The following CERS6 variants were observed in gnomAD, a reference collection of about 807,000 sequenced individuals.
CERS6 encodes the protein LAG1 homolog, ceramide synthase 6.
Under a neutral mutation model 56.8 loss-of-function variants are expected in CERS6, and 26 were observed. The observed-to-expected ratio is 0.46, with a 90% confidence interval of 0.34 to 0.63. CERS6 has a LOEUF of 0.63. Ranked by LOEUF, CERS6 falls within the 30% of genes least tolerant of loss-of-function variation. The probability of loss-of-function intolerance (pLI) is 0.01; values close to 1 mark genes in which losing one functional copy is unlikely to be tolerated. For missense variants in CERS6, 415 were observed against 467.5 expected (o/e 0.89, Z 1.04); for synonymous variants, 164 against 173.3 (o/e 0.95, Z 0.42).
chr2:168,571,095 G>C (rs535455815), intron 3 of CERS6, among the ~76,000 whole-genome samples: 8 of 152,260 alleles, frequency 5.3e-5, no homozygotes, highest in African/African-American at 1.9e-4. Context: ...TTGCCATCAA[G>C]AGAATTACAT....
chr2:168,498,692 C>T (rs1297260500), intron 1 of CERS6, among the ~76,000 whole-genome samples: 23 of 152,174 alleles, frequency 1.5e-4, no homozygotes, highest in African/African-American at 2.4e-5. Flanking sequence ...GTGCATCCTC[C>T]GTAGACTGGC....
chr2:168,563,852 A>G (rs1289375112), intron 3 of CERS6, among the ~76,000 whole-genome samples: 1 of 152,160 alleles, frequency 6.6e-6, no homozygotes, highest in African/African-American at 2.4e-5. Flanking sequence ...ATAGTCAGTA[A>G]AGATTAAAGG....
chr2:168,702,162 TG>T (rs150586656), intron 6 of CERS6, among the ~76,000 whole-genome samples: 1 of 152,278 alleles, frequency 6.6e-6, no homozygotes, highest in Admixed American at 6.5e-5. Context: ...CTATGGATAA[TG>T]GGGGGCCAAC....
Position 168,686,237 on chromosome 2 carries a change from C to G in CERS6, c.466-4797C>G, listed in dbSNP as rs574222574. On this transcript the variant is annotated intron_variant, in intron 4 of 9. Transcript: ENST00000305747. Reference sequence around the variant, plus strand: ...GTCTTCACTTGGTCTTCCCTCTGAGCACGCGCGTGGAGAGGGAGAAATCTC... The same window carrying G: ...GTCTTCACTTGGTCTTCCCTCTGAGGACGCGCGTGGAGAGGGAGAAATCTC... Among the ~76,000 whole-genome samples, 4 of 150,774 alleles carry G rather than the reference C, an allele frequency of 2.7e-5. No homozygotes were observed. The South Asian group carries it at 6.4e-4, about 24-fold the overall frequency.
intron 6 of CERS6, among the ~76,000 whole-genome samples, chr2:168,703,560 AAAAC>A (rs1686856836): frequency 2.0e-5 from 3 of 152,268 alleles, no homozygotes; most frequent in Middle Eastern, 6.8e-3. Flanking sequence ...TCCATCTCAA[AAAAC>A]AAACAAACAA....
intron 1 of CERS6, among the ~76,000 whole-genome samples, chr2:168,530,328 A>G (rs1299858685): frequency 2.6e-5 from 4 of 152,202 alleles, no homozygotes; most frequent in Non-Finnish European, 4.4e-5. Flanking sequence ...CCATGTGCAG[A>G]GAAGATACTG....
intron 1 of CERS6, among the ~76,000 whole-genome samples, chr2:168,537,241 G>A (rs1381090670): frequency 3.3e-5 from 5 of 152,186 alleles, no homozygotes; most frequent in African/African-American, 9.7e-5. Context: ...TGCTCACTGA[G>A]TCATTTTGTA....
At chr2:168,681,037 A>G (rs1230709413) in intron 4 of CERS6, among the ~76,000 whole-genome samples, 1 of 152,234 alleles carries the variant, frequency 6.6e-6, no homozygotes, top group African/African-American at 2.4e-5. Flanking sequence ...TGTCCAGCCC[A>G]GTACCTGATG....
Position 168,617,232 on chromosome 2 carries a change from T to C in CERS6, c.408-13753T>C, listed in dbSNP as rs1020264844. On this transcript the variant is annotated intron_variant, in intron 3 of 9. Transcript: ENST00000305747. The stretch of plus-strand genomic sequence containing the variant: ...CAAAACCTCTGGGATACAGCAAAGG[T>C]GGTGCTAAGAGGAAGGTTCATAGCC... Among the ~76,000 whole-genome samples the C allele has an allele frequency of 1.3e-3, 202 of 152,164 alleles. 4 individuals are homozygous for C. Among genetic ancestry groups the C allele is most frequent in the African/African-American group, 4.8e-3 (198 of 41,522 alleles).
intron 1 of CERS6, among the ~76,000 whole-genome samples, chr2:168,457,248 G>A (rs1693687565): frequency 2.0e-5 from 3 of 152,194 alleles, no homozygotes; most frequent in Admixed American, 2.0e-4. Flanking sequence ...GTTATTAGCG[G>A]TTTCTTTAAA....
intron 5 of CERS6, among the ~76,000 whole-genome samples, chr2:168,691,514 G>A (rs1391950309): frequency 6.6e-6 from 1 of 152,182 alleles, no homozygotes; most frequent in African/African-American, 2.4e-5. Context: ...CCTAGAAGCA[G>A]CCTCCAAATA....
chr2:168,737,472 A>G lies in CERS6; in HGVS notation c.845+19494A>G, dbSNP rs548358689. 1.2e-4 allele frequency among the ~76,000 whole-genome samples: 18 copies of G among 152,274 alleles called. No individual in the cohort carries two copies. The South Asian group carries it at 3.3e-3, about 28-fold the overall frequency. On this transcript the variant is annotated intron_variant, in intron 8 of 9. Coordinates refer to ENST00000305747, the MANE Select transcript of CERS6 (RefSeq NM_203463.3). The stretch of plus-strand genomic sequence containing the variant: ...TCTTTAATACCAGTATTCATGGGAA[A>G]TTCATTAGGGGTGATGTGAAATTAT...
At chr2:168,457,708 T>C (rs1199762734) in intron 1 of CERS6, among the ~76,000 whole-genome samples, 1 of 152,210 alleles carries the variant, frequency 6.6e-6, no homozygotes, top group East Asian at 1.9e-4. Flanking sequence ...CACCTTGGTT[T>C]TGTTTCTTAA....
At chr2:168,697,387 AG>A (rs1178640625) in intron 6 of CERS6, among the ~76,000 whole-genome samples, 3 of 152,108 alleles carry the variant, frequency 2.0e-5, no homozygotes, top group Non-Finnish European at 4.4e-5. Context: ...GTCCTACATG[AG>A]GGAGCCTTCT....
intron 8 of CERS6, among the ~76,000 whole-genome samples, chr2:168,735,518 T>C (rs1278044421): frequency 1.3e-5 from 2 of 152,090 alleles, no homozygotes; most frequent in African/African-American, 4.8e-5. Context: ...TCCTTGGACA[T>C]GAAACAGTTT....
chr2:168,685,358 C>G (rs1480571076), intron 4 of CERS6, among the ~76,000 whole-genome samples: 1 of 152,128 alleles, frequency 6.6e-6, no homozygotes, highest in Non-Finnish European at 1.5e-5. Flanking sequence ...GGGAGAAAAG[C>G]ACATGTATGT....
At chr2:168,648,079 G>A (rs1207582065) in intron 4 of CERS6, among the ~76,000 whole-genome samples, 1 of 152,124 alleles carries the variant, frequency 6.6e-6, no homozygotes, top group Non-Finnish European at 1.5e-5. Context: ...TATAGTTTCT[G>A]TAGGAACGGT....
intron 1 of CERS6, among the ~76,000 whole-genome samples, chr2:168,473,005 C>T (rs1475912169): frequency 6.6e-6 from 1 of 152,148 alleles, no homozygotes; most frequent in African/African-American, 2.4e-5. Context: ...AAACATTATG[C>T]TCACCTTAAA....
intron 3 of CERS6, among the ~76,000 whole-genome samples, chr2:168,597,680 A>T (rs992297047): frequency 6.6e-6 from 1 of 152,220 alleles, no homozygotes; most frequent in African/African-American, 2.4e-5. Flanking sequence ...TTGAATATGT[A>T]AAGTTTTAGA....
Sources: allele counts gnomAD v4.1 joint callset (sites outside exome capture counted in the v4.1 genomes callset), GRCh38; gene constraint gnomAD v4.1.1; transcripts MANE v1.5; gene names NCBI Gene and HGNC (gene_info 2026-07-23, HGNC 2026-07-21).